Variants in PRELID2 observed in about 807,000 individuals in gnomAD.
The protein encoded by PRELID2 is PRELI domain containing 2, also known as PRELI domain-containing protein 2.
In PRELID2, 25 loss-of-function variants were observed where a neutral mutation model predicts 28.4. The observed-to-expected ratio is 0.88, with a 90% CI of 0.64 to 1.23. The LOEUF (loss-of-function observed/expected upper bound fraction) is 1.23. Ranked by LOEUF, PRELID2 falls within the 50% of genes most tolerant of loss-of-function variation. The pLI, the probability that PRELID2 is intolerant of heterozygous loss-of-function variation, is 0.00. For missense variants in PRELID2, 201 were observed against 214.4 expected, an observed-to-expected ratio of 0.94 and a Z score of 0.39; for synonymous variants, 76 against 71.6, an observed-to-expected ratio of 1.06 and a Z score of -0.31.
At chr5:145,532,346 C>A (rs1052473064) in intron 1 of PRELID2, among the ~76,000 whole-genome samples, 1 of 151,910 alleles carries the variant, frequency 6.6e-6, no homozygotes, top group Middle Eastern at 3.2e-3. Context: ...TTATTGGGTA[C>A]AATTGACACA....
chr5:145,441,468 C>T, the PRELID2 span, among the ~76,000 whole-genome samples: 37 of 152,214 alleles, frequency 2.4e-4, 1 homozygote, highest in East Asian at 6.6e-3. Context: ...CTATTTTCCA[C>T]ATTACAAACT....
the PRELID2 span, among the ~76,000 whole-genome samples, chr5:145,391,708 C>T: frequency 6.8e-6 from 1 of 146,914 alleles, no homozygotes; most frequent in Admixed American, 6.8e-5. Context: ...TCTATTGCAT[C>T]ATCAGGCTGC....
intron 1 of PRELID2, among the ~76,000 whole-genome samples, chr5:145,473,502 G>A (rs1395734842): frequency 6.6e-6 from 1 of 152,174 alleles, no homozygotes; most frequent in African/African-American, 2.4e-5. Flanking sequence ...TTTCACAGAT[G>A]TGTAGAGTGA....
intron 1 of PRELID2, among the ~76,000 whole-genome samples, chr5:145,487,159 T>C: frequency 2.0e-5 from 3 of 147,640 alleles, no homozygotes; most frequent in Non-Finnish European, 4.5e-5. Flanking sequence ...AGTTAGTGGG[T>C]GCAGCGCACC....
the PRELID2 span, among the ~76,000 whole-genome samples, chr5:145,291,493 A>G: frequency 6.6e-6 from 1 of 152,234 alleles, no homozygotes; most frequent in South Asian, 2.1e-4. Flanking sequence ...GCAGCTTCAG[A>G]GCGAGGATAG....
the PRELID2 span, among the ~76,000 whole-genome samples, chr5:145,349,385 G>T: frequency 6.6e-6 from 1 of 151,910 alleles, no homozygotes; most frequent in East Asian, 1.9e-4. Context: ...GATTATGATT[G>T]GTTCCCATTT....
chr5:145,733,443 AT>A (rs1201976637), intron 1 of PRELID2, among the ~76,000 whole-genome samples: 4 of 152,160 alleles, frequency 2.6e-5, no homozygotes, highest in Non-Finnish European at 5.9e-5. Context: ...AAAGTGAATA[AT>A]TTTATCTTAA....
intron 1 of PRELID2, among the ~76,000 whole-genome samples, chr5:145,699,793 C>T (rs1755365952): frequency 6.6e-6 from 1 of 152,172 alleles, no homozygotes; most frequent in Non-Finnish European, 1.5e-5. Flanking sequence ...ACAGCTGCCG[C>T]ACAAATTTCT....
At chr5:145,544,015 T>C (rs1021228455) in intron 1 of PRELID2, among the ~76,000 whole-genome samples, 17 of 152,032 alleles carry the variant, frequency 1.1e-4, no homozygotes, top group African/African-American at 3.4e-4. Flanking sequence ...GTAAGGAAAA[T>C]TGGATTTTCT....
At chr5:145,274,131 T>A in the PRELID2 span, among the ~76,000 whole-genome samples, 18 of 152,124 alleles carry the variant, frequency 1.2e-4, no homozygotes, top group Non-Finnish European at 1.9e-4. Context: ...AAATGAATCA[T>A]TTCCTATATT....
At chr5:145,399,628 T>C in the PRELID2 span, among the ~76,000 whole-genome samples, 2 of 152,108 alleles carry the variant, frequency 1.3e-5, no homozygotes, top group East Asian at 1.9e-4. Flanking sequence ...CCTACAGAGA[T>C]CTTTTTCCCT....
intron 1 of PRELID2, among the ~76,000 whole-genome samples, chr5:145,594,803 T>C (rs758246570): frequency 3.9e-5 from 6 of 152,204 alleles, no homozygotes; most frequent in Non-Finnish European, 5.9e-5. Context: ...AATGAACTCA[T>C]GTTAGTTTAA....
At chr5:145,825,225 CAAAAAAAAAAAA>C (rs56818178) in intron 1 of PRELID2, among the ~76,000 whole-genome samples, 59 of 60,424 alleles carry the variant, frequency 9.8e-4, no homozygotes, top group Non-Finnish European at 1.4e-3. Flanking sequence ...GACTCTGTCT[CAAAAAAAAAAAA>C]AAAAAAAAAA....
the PRELID2 span, among the ~76,000 whole-genome samples, chr5:145,316,550 C>T: frequency 6.6e-6 from 1 of 152,186 alleles, no homozygotes; most frequent in Non-Finnish European, 1.5e-5. Flanking sequence ...TGATGCAGAA[C>T]TACTTAAAGA....
the PRELID2 span, among the ~76,000 whole-genome samples, chr5:145,399,237 T>A: frequency 6.6e-6 from 1 of 152,098 alleles, no homozygotes; most frequent in East Asian, 1.9e-4. Context: ...TTCCTCAATG[T>A]GGTGATAGAA....
At chr5:145,697,033 TTATATATATATATATATATATATA>T (rs36117637) in intron 1 of PRELID2, among the ~76,000 whole-genome samples, 804 of 50,660 alleles carry the variant, frequency 0.016, 27 homozygotes, top group Middle Eastern at 0.05. Flanking sequence ...GAGAGGAAAA[TTATATATATATATATATATATATA>T]TATATATATA....
the PRELID2 span, among the ~76,000 whole-genome samples, chr5:145,451,324 A>C: frequency 3.3e-5 from 5 of 152,210 alleles, no homozygotes; most frequent in African/African-American, 9.6e-5. Flanking sequence ...CTCTTCACCC[A>C]AGACTTTGCT....
chr5:145,758,767 A>G lies in PRELID2; in HGVS notation c.*1769T>C, dbSNP rs1319111001. 6.6e-6 allele frequency among the ~76,000 whole-genome samples: 1 copy of G among 152,148 alleles called. No homozygotes were observed. Among genetic ancestry groups the G allele is most frequent in the African/African-American group, 2.4e-5 (1 of 41,440 alleles). ...AAAGTGTGTTTTAGTTTCTACCATT[A>G]TTTTTCCCTCCAACACAATTGAAGA... is the stretch of plus-strand genomic sequence containing the variant. On this transcript the variant is annotated 3_prime_UTR_variant, in exon 7 of 7. Transcript: ENST00000683046.
chr5:145,320,318 T>A, the PRELID2 span, among the ~76,000 whole-genome samples: 1 of 151,830 alleles, frequency 6.6e-6, no homozygotes, highest in Non-Finnish European at 1.5e-5. Context: ...TCGCCCAGGC[T>A]GGAGTGCAGT....
Sources: gnomAD v4.1 joint callset for allele counts (sites outside exome capture counted in the v4.1 genomes callset) on GRCh38, gnomAD v4.1.1 for gene constraint, MANE v1.5 for transcripts, NCBI Gene and HGNC (gene_info 2026-07-23, HGNC 2026-07-21) for gene names.